The following ERBIN variants were observed in gnomAD, a reference collection of about 807,000 sequenced individuals.
The protein encoded by ERBIN is densin-180-like protein.
In ERBIN, 60 loss-of-function variants were observed where a neutral mutation model predicts 158.4. That is an observed-to-expected ratio of 0.38 (90% confidence interval 0.31 to 0.47). ERBIN has a LOEUF of 0.47. Ranked by LOEUF, ERBIN falls within the 20% of genes least tolerant of loss-of-function variation. ERBIN has a pLI of 0.99. For missense variants in ERBIN, 1,610 were observed against 1,648.0 expected (o/e 0.98, Z 0.40); for synonymous variants, 594 against 557.2 (o/e 1.07, Z -0.93).
intron 21 of ERBIN, among the ~76,000 whole-genome samples, chr5:66,066,537 A>AT (rs1761021807): frequency 6.7e-6 from 1 of 148,674 alleles, no homozygotes; most frequent in African/African-American, 2.6e-5. Context: ...AAAAAAAAAC[A>AT]AAAAAAACTG....
chr5:66,044,372 T>C (rs186777210), intron 17 of ERBIN, 62 bp downstream of exon 17: 4 of 1,447,976 alleles, frequency 2.8e-6, no homozygotes, highest in Non-Finnish European at 2.8e-6. Flanking sequence ...AAATGACAGT[T>C]GATATAGTGC....
intron 1 of ERBIN, among the ~76,000 whole-genome samples, chr5:65,927,825 C>T (rs1742846393): frequency 6.6e-6 from 1 of 152,204 alleles, no homozygotes; most frequent in Non-Finnish European, 1.5e-5. Flanking sequence ...ATGAACACTT[C>T]TGAACCAATG....
At chr5:66,065,769 T>C (rs1444790202) in intron 21 of ERBIN, among the ~76,000 whole-genome samples, 1 of 152,028 alleles carries the variant, frequency 6.6e-6, no homozygotes, top group Non-Finnish European at 1.5e-5. Context: ...ATATATGTTA[T>C]GTGAAGGAGG....
At chr5:66,058,893 A>G (rs1203560638) in intron 21 of ERBIN, among the ~76,000 whole-genome samples, 2 of 152,116 alleles carry the variant, frequency 1.3e-5, no homozygotes, top group Admixed American at 6.5e-5. Context: ...CCATTGGTCT[A>G]TATCCCTGTT....
At chr5:66,063,345 C>T (rs181385291) in intron 21 of ERBIN, among the ~76,000 whole-genome samples, 10 of 152,290 alleles carry the variant, frequency 6.6e-5, no homozygotes, top group African/African-American at 2.2e-4. Context: ...GAGCCAGTTG[C>T]GGGATATAAT....
intron 13 of ERBIN, among the ~76,000 whole-genome samples, chr5:66,027,365 G>A (rs560383590): frequency 3.3e-5 from 5 of 151,902 alleles, no homozygotes; most frequent in African/African-American, 7.2e-5. Flanking sequence ...AGAAAGGCAC[G>A]GAAGACTAGT....
chr5:66,069,882 T>C (rs1462967580), intron 21 of ERBIN, among the ~76,000 whole-genome samples: 4 of 152,148 alleles, frequency 2.6e-5, no homozygotes, highest in Non-Finnish European at 5.9e-5. Flanking sequence ...TTTCTTCTGG[T>C]GTTACAGAAT....
In ERBIN at chr5:65,984,094, G is replaced by T. The variant is rs73762641; in HGVS notation, c.-57-4541G>T. On this transcript the variant is annotated intron_variant, in intron 1 of 25. Coordinates refer to ENST00000284037, the MANE Select transcript of ERBIN (RefSeq NM_001253697.2). ...TTTCTGGGAAATAGTGGACCAGATC[G>T]TCTCCATGGAGCAGCTGGTCCTAAC... Among the ~76,000 whole-genome samples the T allele has an allele frequency of 5.7e-3, 871 of 152,302 alleles. 11 individuals carry two copies. Among genetic ancestry groups the T allele is most frequent in the African/African-American group, 0.018 (755 of 41,564 alleles).
At chr5:66,060,600 C>T (rs1176520521) in intron 21 of ERBIN, among the ~76,000 whole-genome samples, 1 of 152,082 alleles carries the variant, frequency 6.6e-6, no homozygotes, top group Non-Finnish European at 1.5e-5. Flanking sequence ...TGTGTTTGCT[C>T]TTGCTTCTCT....
intron 1 of ERBIN, among the ~76,000 whole-genome samples, chr5:65,964,403 G>A (rs930447375): frequency 6.6e-6 from 1 of 152,314 alleles, no homozygotes; most frequent in Middle Eastern, 3.4e-3. Flanking sequence ...CTCATAACAT[G>A]TACATACCTT....
intron 21 of ERBIN, among the ~76,000 whole-genome samples, chr5:66,056,540 C>CT (rs879764182): frequency 1.5e-4 from 22 of 146,608 alleles, no homozygotes; most frequent in African/African-American, 3.5e-4. Context: ...TGCCAATCCG[C>CT]TTTTTTTTTT....
intron 1 of ERBIN, among the ~76,000 whole-genome samples, chr5:65,957,513 C>T (rs1178710748): frequency 6.6e-6 from 1 of 152,182 alleles, no homozygotes; most frequent in South Asian, 2.1e-4. Flanking sequence ...CAGCACGTTT[C>T]AGAGAGCACC....
rs1762272351 is a variant in ERBIN, at chr5:66,079,353, GTGTTATGGAAATCCAC to G, written c.*826_*841del. On this transcript the variant is annotated 3_prime_UTR_variant, in exon 26 of 26. Coordinates refer to ENST00000284037, the MANE Select transcript of ERBIN (RefSeq NM_001253697.2). ...GTAGATGCATGTCCATGCATTTTCTGTGTTATGGAAATCCACTGATTTTTTTTTTTTTTTCAAATGG... is the reference window on the plus strand; with the variant it reads ...GTAGATGCATGTCCATGCATTTTCTGTGATTTTTTTTTTTTTTTCAAATGG... 1 of 148,786 alleles carries G rather than the reference GTGTTATGGAAATCCAC, an allele frequency of 6.7e-6. No homozygotes were observed. Among genetic ancestry groups the G allele is most frequent in the Non-Finnish European group, 1.5e-5 (1 of 67,202 alleles). 9.2% of individuals were successfully genotyped at this position (148,786 alleles called of 1,614,324 possible).
intron 1 of ERBIN, among the ~76,000 whole-genome samples, chr5:65,935,108 A>G (rs1743920734): frequency 1.3e-5 from 2 of 152,112 alleles, no homozygotes; most frequent in African/African-American, 4.8e-5. Context: ...AAATATTTTT[A>G]TGTACTTACA....
intron 21 of ERBIN, among the ~76,000 whole-genome samples, chr5:66,064,439 C>A (rs1378892541): frequency 1.3e-5 from 2 of 152,106 alleles, no homozygotes; most frequent in African/African-American, 2.4e-5. Flanking sequence ...CACATGAGTC[C>A]TGTGTGATAT....
intron 1 of ERBIN, among the ~76,000 whole-genome samples, chr5:65,965,413 T>G (rs1748485876): frequency 4.4e-5 from 2 of 45,596 alleles, no homozygotes; most frequent in Non-Finnish European, 9.4e-5. Flanking sequence ...TTTTTTTTTT[T>G]TTTTTTTTTT....
chr5:66,011,961 T>C lies in ERBIN; in HGVS notation c.308-88T>C, dbSNP rs973006199. The C allele has an allele frequency of 2.1e-5, 16 of 749,194 alleles. No homozygotes were observed. The East Asian group carries it at 2.8e-4, about 13-fold the overall frequency. 46.4% of individuals were successfully genotyped at this position (749,194 alleles called of 1,614,324 possible). Reference sequence around the variant, plus strand: ...TTCCTTGTTAATTGGTATATTACTTTAGAATCTGGAAGGCATATATTATTG... The same window carrying C: ...TTCCTTGTTAATTGGTATATTACTTCAGAATCTGGAAGGCATATATTATTG... On this transcript the variant is annotated intron_variant, in intron 4 of 25. Transcript: ENST00000284037.
intron 21 of ERBIN, among the ~76,000 whole-genome samples, chr5:66,063,300 G>A (rs1377532875): frequency 6.6e-6 from 1 of 152,198 alleles, no homozygotes; most frequent in African/African-American, 2.4e-5. Flanking sequence ...TGCTGTGCTA[G>A]CAATGAGCGA....
chr5:66,013,256 C>G (rs997952245), intron 5 of ERBIN, among the ~76,000 whole-genome samples: 2 of 152,120 alleles, frequency 1.3e-5, no homozygotes, highest in South Asian at 2.1e-4. Context: ...GAGTTATACC[C>G]TAAATATATT....
Sources: allele counts gnomAD v4.1 joint callset (sites outside exome capture counted in the v4.1 genomes callset), GRCh38; gene constraint gnomAD v4.1.1; transcripts MANE v1.5; gene names NCBI Gene and HGNC (gene_info 2026-07-23, HGNC 2026-07-21).